The following ABHD16A variants were observed in gnomAD, a reference collection of about 807,000 sequenced individuals.
The protein encoded by ABHD16A is phosphatidylserine lipase ABHD16A.
ABHD16A carries 47 observed loss-of-function variants against 89.8 expected under a neutral mutation model. The observed-to-expected ratio is 0.52, with a 90% CI of 0.41 to 0.67. The LOEUF is 0.67. ABHD16A is among the 30% of genes least tolerant of loss of function. The pLI is 0.00. For synonymous variants in ABHD16A, 251 were observed against 280.4 expected (o/e 0.90, Z 1.05); for missense variants, 580 against 734.6 (o/e 0.79, Z 2.43).
In ABHD16A at chr6:31,702,601, G is replaced by C. The variant is rs1805123783; in HGVS notation, c.133-471C>G. The C allele has an allele frequency of 1.4e-6, 2 of 1,457,332 alleles. No homozygotes were observed. The highest frequency in any genetic ancestry group is 2.9e-5 in the South Asian group (2 of 69,916). 90.3% of individuals were successfully genotyped at this position (1,457,332 alleles called of 1,614,324 possible). On this transcript the variant is annotated intron_variant, in intron 1 of 19. Transcript: ENST00000395952. ...CTGATAAAAAGGAAGAGAATATTTA[G>C]AACAGCCTACCACCACCCGCCAGCT...
chr6:31,689,464 C>T (rs1221530087), intron 12 of ABHD16A, 117 bp downstream of exon 12: 15 of 1,353,728 alleles, frequency 1.1e-5, no homozygotes, highest in Admixed American at 3.0e-5. Flanking sequence ...CTCAGAGATT[C>T]TACTTCCTCT....
At position 31,687,613 on chromosome 6, in the gene ABHD16A, C is replaced by T. The variant is rs1803424932; in HGVS notation, c.1546+29G>A. 15 of 1,612,952 alleles carry T rather than the reference C, an allele frequency of 9.3e-6. No individual in the cohort carries two copies. Among genetic ancestry groups the T allele is most frequent in the South Asian group, 2.2e-5 (2 of 91,084 alleles). On this transcript the variant is annotated intron_variant, in intron 18 of 19. Coordinates refer to ENST00000395952, the MANE Select transcript of ABHD16A (RefSeq NM_021160.3). This position sits in a 1 kb window ranked among gnomAD's most constrained non-coding sequence, Gnocchi z 6.3. ...TCATCCCCTTCCTAGGCCCTTCCCA[C>T]CCTCTCTCCTGCCCCAGGAGCTCCT...
intron 7 of ABHD16A, 135 bp downstream of exon 7, chr6:31,692,892 A>G (rs1324381546): frequency 1.6e-6 from 2 of 1,239,694 alleles, no homozygotes; most frequent in Admixed American, 2.0e-5. Flanking sequence ...TGACTTTGCC[A>G]TAAATGATCT....
At chr6:31,700,802 A>C (rs1804899460) in intron 4 of ABHD16A, 140 bp downstream of exon 4, 2 of 670,988 alleles carry the variant, frequency 3.0e-6, no homozygotes, top group African/African-American at 3.7e-5. Flanking sequence ...CAAGTCTTTT[A>C]AGGAAAAGAT....
intron 11 of ABHD16A, 22 bp from the exon 12 acceptor site, chr6:31,689,726 C>A (rs752082757): frequency 5.6e-6 from 9 of 1,599,760 alleles, no homozygotes; most frequent in East Asian, 2.2e-5. Context: ...AGGGCAAAGT[C>A]AGGAGTGTGT....
Position 31,700,980 on chromosome 6 carries a change from G to T in ABHD16A, c.305C>A (p.Thr102Lys). 1 of 1,613,898 alleles carries T rather than the reference G, an allele frequency of 6.2e-7. No homozygotes were observed. ...CACACCTGCCAGAAGTAGCAGCAAT[G>T]TCCCAGCATAGTGAGAAAACGGCAC... The part of the protein sequence containing the change: ...KVVPFSHYAG[T>K]LLLLLAGVAC... Residue 102 changes from threonine to lysine, a missense_variant, in exon 4 of 20, where the codon ACA becomes AAA. Physicochemically the swap from Thr to Lys is moderately conservative, Grantham distance 78 (BLOSUM62 -1). This residue lies in a region of ABHD16A where 165 missense variants were observed against 165.8 expected (regional missense o/e 1.00). Transcript: ENST00000395952.
chr6:31,703,142 C>T lies in ABHD16A; in HGVS notation c.132+8G>A, dbSNP rs770467804. On this transcript the variant is annotated splice_region_variant and intron_variant, in intron 1 of 19. Coordinates refer to ENST00000395952, the MANE Select transcript of ABHD16A (RefSeq NM_021160.3). Reference sequence around the variant, plus strand: ...CCACGTTCTTCGGTGGGGAGGAACTCGACTCACCCAGGAGCTGGAATGGGG... The same window carrying T: ...CCACGTTCTTCGGTGGGGAGGAACTTGACTCACCCAGGAGCTGGAATGGGG... 4 of 1,418,828 alleles carry T rather than the reference C, an allele frequency of 2.8e-6. No individual in the cohort carries two copies. Among genetic ancestry groups the T allele is most frequent in the Middle Eastern group, 2.7e-4 (1 of 3,772 alleles). 87.9% of individuals were successfully genotyped at this position (1,418,828 alleles called of 1,614,324 possible). A position where few individuals can be genotyped will look rare whatever the true frequency, so the allele number is the denominator to read the frequency against.
At position 31,690,027 on chromosome 6, in the gene ABHD16A, G is replaced by A; in HGVS notation, c.957+51C>T. On this transcript the variant is annotated intron_variant, in intron 11 of 19. Coordinates refer to ENST00000395952, the MANE Select transcript of ABHD16A (RefSeq NM_021160.3). This position sits in a 1 kb window ranked among gnomAD's most constrained non-coding sequence, Gnocchi z 4.1. ...CTCCTCCCTCCAATGGCTGACCAGA[G>A]GGAAACAGACATAATTCAGGAAAAG... The A allele has an allele frequency of 6.5e-7, 1 of 1,530,888 alleles. No individual in the cohort carries two copies. The highest frequency in any genetic ancestry group is 8.8e-7 in the Non-Finnish European group (1 of 1,135,840). 94.8% of individuals were successfully genotyped at this position (1,530,888 alleles called of 1,614,324 possible).
At position 31,687,723 on chromosome 6, in the gene ABHD16A, A is replaced by G. The variant is rs1460290477; in HGVS notation, c.1465T>C (p.Trp489Arg). Reference sequence around the variant, plus strand: ...AGACACCAGTCCTCTTCCACCTCCCATCGGCTATAAATTGAGGCTGGTCAG... The same window carrying G: ...AGACACCAGTCCTCTTCCACCTCCCGTCGGCTATAAATTGAGGCTGGTCAG... ...QLEEASIYSR[W>R]EVEEDWCLSV... Residue 489 changes from tryptophan (W) to arginine (R), a missense_variant, in exon 18 of 20, where the codon TGG (tryptophan) becomes CGG (arginine). Around this residue, in one of 2 missense-constraint regions of ABHD16A, gnomAD observed 415 missense variants for 568.8 expected, o/e 0.73. Transcript: ENST00000395952. The surrounding 1 kb of genome is among the most constrained non-coding windows in gnomAD (Gnocchi z 6.3). 1.2e-6 allele frequency: 2 copies of G among 1,612,720 alleles called. No homozygotes were observed. Among genetic ancestry groups the G allele is most frequent in the African/African-American group, 1.3e-5 (1 of 74,872 alleles).
At position 31,703,180 on chromosome 6, in the gene ABHD16A, C is replaced by T. The variant is rs781647880; in HGVS notation, c.102G>A (p.Thr34=). Residue 34 remains threonine (T), a synonymous_variant, in exon 1 of 20, where the codon ACG becomes ACA. Transcript: ENST00000395952. ...AGCTGGAATGGGGGGCAGTGACTGC[C>T]GTTGGCGTCTCAGGGACGCTGGCCG... The part of the protein sequence containing the change: ...RAPASVPETP[T]AVTAPHSSSW... 9 of 1,433,088 alleles carry T rather than the reference C, an allele frequency of 6.3e-6. No individual in the cohort carries two copies. In the African/African-American group the frequency reaches 1.3e-4, roughly 21 times the overall value. 88.8% of individuals were successfully genotyped at this position (1,433,088 alleles called of 1,614,324 possible).
rs1323125048 is a variant in ABHD16A at position 31,700,935 on chromosome 6, CACCT to C, written c.343+3_343+6del. On this transcript the variant is annotated splice_donor_5th_base_variant and intron_variant, in intron 4 of 19. Transcript: ENST00000395952. Reference sequence around the variant, plus strand: ...TAAGATTCAAACCAGGTTTCCTCTCCACCTACCTCGGAGGCAGGCCACACCTGCC... The same window carrying C: ...TAAGATTCAAACCAGGTTTCCTCTCCACCTCGGAGGCAGGCCACACCTGCC... 6.2e-7 allele frequency: 1 copy of C among 1,611,156 alleles called. No homozygotes were observed. Among genetic ancestry groups the C allele is most frequent in the East Asian group, 2.2e-5 (1 of 44,864 alleles).
At chr6:31,689,144 G>A (rs1291909758) in intron 12 of ABHD16A, 25 bp from the exon 13 acceptor site, 3 of 1,601,270 alleles carry the variant, frequency 1.9e-6, no homozygotes, top group African/African-American at 2.7e-5. Context: ...GGGAAGAAGA[G>A]TAAGAACTGA....
At position 31,689,012 on chromosome 6, in the gene ABHD16A, C is replaced by T; in HGVS notation, c.1186+3G>A. On this transcript the variant is annotated splice_donor_region_variant and intron_variant, in intron 13 of 19. Coordinates refer to ENST00000395952, the MANE Select transcript of ABHD16A (RefSeq NM_021160.3). ...GAAGGGCAGGCCTGGGAGCTGCACT[C>T]ACTCCAGCTGTCTGGCATGACCTTC... The T allele has an allele frequency of 3.1e-6, 5 of 1,611,426 alleles. No individual in the cohort carries two copies. Among genetic ancestry groups the T allele is most frequent in the Non-Finnish European group, 4.2e-6 (5 of 1,178,046 alleles).
chr6:31,703,194 G>A lies in ABHD16A; in HGVS notation c.88C>T (p.Pro30Ser). The change falls in exon 1 of 20, where the codon CCT becomes TCT. Residue 30 changes from proline (P) to serine (S), a missense_variant. This residue lies in a region of ABHD16A where 165 missense variants were observed against 165.8 expected (regional missense o/e 1.00). Transcript: ENST00000395952. The part of the protein sequence containing the change: ...RDSERAPASV[P>S]ETPTAVTAPH... ...GCAGTGACTGCCGTTGGCGTCTCAG[G>A]GACGCTGGCCGGGGCCCTTTCAGAG... is the stretch of plus-strand genomic sequence containing the variant. 1 of 1,437,390 alleles carries A rather than the reference G, an allele frequency of 7.0e-7. No individual in the cohort carries two copies. Among genetic ancestry groups the A allele is most frequent in the Non-Finnish European group, 9.2e-7 (1 of 1,088,118 alleles). 89.0% of individuals were successfully genotyped at this position (1,437,390 alleles called of 1,614,324 possible).
At chr6:31,692,789 A>G in intron 7 of ABHD16A, 2 of 194,672 alleles carry the variant, frequency 1.0e-5, no homozygotes, top group Non-Finnish European at 1.0e-5. Context: ...TCACTGAAGG[A>G]GCTTTTGTTC....
chr6:31,699,381 C>G (rs1206628175), intron 4 of ABHD16A, among the ~76,000 whole-genome samples: 4 of 142,550 alleles, frequency 2.8e-5, no homozygotes, highest in Non-Finnish European at 6.0e-5. Context: ...TGCACTCCAG[C>G]CTGGGGGACA....
rs532741676 is a variant in ABHD16A, at chr6:31,693,852, C to T, written c.430-420G>A. On this transcript the variant is annotated intron_variant, in intron 5 of 19. Coordinates refer to ENST00000395952, the MANE Select transcript of ABHD16A (RefSeq NM_021160.3). The surrounding 1 kb of genome is among the most constrained non-coding windows in gnomAD (Gnocchi z 5.0). ...CTTAGAAATCTCCCAGCAGATCACA[C>T]TGACAGACCCAAGGTTGAGTGAGAC... Among the ~76,000 whole-genome samples the T allele has an allele frequency of 9.7e-4, 148 of 152,314 alleles. 1 individual carries two copies. Among genetic ancestry groups the T allele is most frequent in the Admixed American group, 3.3e-3 (50 of 15,286 alleles).
At chr6:31,689,436 T>G in intron 12 of ABHD16A, 145 bp downstream of exon 12, 3 of 1,251,942 alleles carry the variant, frequency 2.4e-6, no homozygotes, top group Non-Finnish European at 2.1e-6. Flanking sequence ...GCAAATAGGA[T>G]AGCTTCTTCC....
At position 31,690,558 on chromosome 6, in the gene ABHD16A, G is replaced by A. The variant is rs1270000749; in HGVS notation, c.888C>T (p.Cys296=). ...TCCTACCTTCCAGGGGCGTGGAGAC[G>A]CAGCCCACCTCATAAAACCCAGCAT... ...EGNAGFYEVG[C]VSTPLEAGYS... is the part of the protein sequence containing the mutation. The change falls in exon 10 of 20, where the codon TGC becomes TGT. Residue 296 remains cysteine (C), a synonymous_variant. Coordinates refer to ENST00000395952, the MANE Select transcript of ABHD16A (RefSeq NM_021160.3). The surrounding 1 kb of genome is among the most constrained non-coding windows in gnomAD (Gnocchi z 4.1). 1.2e-5 allele frequency: 20 copies of A among 1,612,880 alleles called. No homozygotes were observed. Among genetic ancestry groups the A allele is most frequent in the African/African-American group, 8.0e-5 (6 of 74,892 alleles).
Sources: gnomAD v4.1 joint callset for allele counts (sites outside exome capture counted in the v4.1 genomes callset) on GRCh38, gnomAD v4.1.1 for gene constraint, gnomAD v4.1.1 regional missense constraint, Gnocchi (gnomAD v3.1) non-coding constraint, MANE v1.5 for transcripts, NCBI Gene and HGNC (gene_info 2026-07-23, HGNC 2026-07-21) for gene names.